Variants in CHRNA7 observed in about 807,000 individuals in gnomAD.
CHRNA7 encodes the protein neuronal acetylcholine receptor subunit alpha-7.
CHRNA7 carries 17 observed loss-of-function variants against 48.0 expected under a neutral mutation model. The observed-to-expected ratio is 0.35, with a 90% confidence interval of 0.24 to 0.53. The LOEUF is 0.53. CHRNA7 is among the 20% of genes least tolerant of loss of function. The pLI is 0.92. For missense variants in CHRNA7, 155 were observed against 577.7 expected (o/e 0.27, Z 7.50); for synonymous variants, 75 against 242.3 (o/e 0.31, Z 6.41).
At chr15:32,032,529 G>C (rs1204644351) in intron 2 of CHRNA7, among the ~76,000 whole-genome samples, 1 of 152,176 alleles carries the variant, frequency 6.6e-6, no homozygotes, top group African/African-American at 2.4e-5. Context: ...ATGTGATTAT[G>C]GTCATTTTCA....
chr15:32,139,069 T>G (rs764333624), intron 4 of CHRNA7, among the ~76,000 whole-genome samples: 2 of 152,310 alleles, frequency 1.3e-5, no homozygotes, highest in African/African-American at 4.8e-5. Context: ...TGTTTTGCTG[T>G]CTCCATTGCT....
At chr15:32,101,501 C>T in intron 3 of CHRNA7, 154 bp downstream of exon 3, 1 of 730,352 alleles carries the variant, frequency 1.4e-6, no homozygotes, top group Non-Finnish European at 2.3e-6. Flanking sequence ...CAACTCCACA[C>T]CTGCCAACAA....
At chr15:32,154,815 A>C in intron 5 of CHRNA7, among the ~76,000 whole-genome samples, 1 of 137,910 alleles carries the variant, frequency 7.3e-6, no homozygotes, top group African/African-American at 2.9e-5. Flanking sequence ...ACTCACAACC[A>C]CTCACACACA....
chr15:32,126,535 T>G (rs2051069598), intron 4 of CHRNA7, among the ~76,000 whole-genome samples: 1 of 152,222 alleles, frequency 6.6e-6, no homozygotes, highest in Non-Finnish European at 1.5e-5. Flanking sequence ...GGTTAATTTC[T>G]GTTCCTCGCT....
chr15:32,141,070 C>CT (rs1566869052), intron 4 of CHRNA7, among the ~76,000 whole-genome samples: 1 of 152,122 alleles, frequency 6.6e-6, no homozygotes, highest in African/African-American at 2.4e-5. Flanking sequence ...AGGTTTAAGT[C>CT]TTTAATCCAT....
chr15:32,065,298 C>A (rs1329336453), intron 2 of CHRNA7, among the ~76,000 whole-genome samples: 1 of 152,252 alleles, frequency 6.6e-6, no homozygotes, highest in Non-Finnish European at 1.5e-5. Context: ...GTGGAGAGAA[C>A]AGAGTTAAAG....
intron 2 of CHRNA7, among the ~76,000 whole-genome samples, chr15:32,057,470 T>C (rs1333270672): frequency 1.3e-5 from 2 of 152,230 alleles, no homozygotes; most frequent in East Asian, 3.8e-4. Context: ...AATTAGGTAA[T>C]GAACATTTTG....
At chr15:32,054,591 T>G (rs1475103580) in intron 2 of CHRNA7, among the ~76,000 whole-genome samples, 1 of 152,196 alleles carries the variant, frequency 6.6e-6, no homozygotes, top group Non-Finnish European at 1.5e-5. Flanking sequence ...AGCTAAACTG[T>G]TTGCCTTACT....
chr15:32,104,600 C>A (rs188854263), intron 3 of CHRNA7, among the ~76,000 whole-genome samples: 1 of 152,144 alleles, frequency 6.6e-6, no homozygotes, highest in Non-Finnish European at 1.5e-5. Flanking sequence ...CAGGTGCATT[C>A]GGTCACTGCC....
At chr15:32,038,899 T>C (rs2141167489) in intron 2 of CHRNA7, among the ~76,000 whole-genome samples, 1 of 152,336 alleles carries the variant, frequency 6.6e-6, no homozygotes, top group Non-Finnish European at 1.5e-5. Context: ...GGCCTGTTGC[T>C]TTCTGTTTTG....
chr15:32,144,605 T>C (rs2051449039), intron 4 of CHRNA7, among the ~76,000 whole-genome samples: 1 of 152,224 alleles, frequency 6.6e-6, no homozygotes, highest in Non-Finnish European at 1.5e-5. Flanking sequence ...TTGGAGGCTT[T>C]GTTTGTTTCG....
At chr15:32,056,190 A>G (rs910471032) in intron 2 of CHRNA7, among the ~76,000 whole-genome samples, 1 of 152,146 alleles carries the variant, frequency 6.6e-6, no homozygotes, top group Non-Finnish European at 1.5e-5. Context: ...CCTTTCTTCT[A>G]CATTTAGTGC....
chr15:32,048,465 T>G (rs938126360), intron 2 of CHRNA7, among the ~76,000 whole-genome samples: 2 of 152,236 alleles, frequency 1.3e-5, no homozygotes, highest in African/African-American at 4.8e-5. Context: ...GTGGAGATGT[T>G]TGTAGTATTC....
At chr15:32,041,744 C>T in intron 2 of CHRNA7, among the ~76,000 whole-genome samples, 1 of 152,350 alleles carries the variant, frequency 6.6e-6, no homozygotes, top group Middle Eastern at 3.4e-3. Context: ...GATTGATATT[C>T]CTCATACTAG....
chr15:32,126,435 T>G (rs112566704), intron 4 of CHRNA7, among the ~76,000 whole-genome samples: 3 of 152,334 alleles, frequency 2.0e-5, no homozygotes, highest in South Asian at 2.1e-4. Context: ...TCATTTATTA[T>G]GAAAGCTGAC....
chr15:32,136,872 A>G (rs1251944102), intron 4 of CHRNA7, among the ~76,000 whole-genome samples: 1 of 136,210 alleles, frequency 7.3e-6, no homozygotes, highest in Non-Finnish European at 1.6e-5. Flanking sequence ...TCTACTAAAA[A>G]TACAAAAAAA....
At chr15:32,050,950 G>T (rs1267649455) in intron 2 of CHRNA7, among the ~76,000 whole-genome samples, 1 of 152,158 alleles carries the variant, frequency 6.6e-6, no homozygotes, top group Non-Finnish European at 1.5e-5. Flanking sequence ...AGCGGTGTCT[G>T]CAGAACCGCG....
At chr15:32,071,857 C>A (rs543556487) in intron 2 of CHRNA7, among the ~76,000 whole-genome samples, 1 of 151,448 alleles carries the variant, frequency 6.6e-6, no homozygotes, top group South Asian at 2.1e-4. Context: ...AAGTCAGTCT[C>A]AGGTATTCCT....
intron 2 of CHRNA7, among the ~76,000 whole-genome samples, chr15:32,034,594 G>T (rs1233793178): frequency 6.6e-6 from 1 of 152,184 alleles, no homozygotes; most frequent in Non-Finnish European, 1.5e-5. Context: ...CCTAGTCTAG[G>T]CATCTCTGAG....
Sources: gnomAD v4.1 joint callset for allele counts (sites outside exome capture counted in the v4.1 genomes callset) on GRCh38, gnomAD v4.1.1 for gene constraint, MANE v1.5 for transcripts, NCBI Gene and HGNC (gene_info 2026-07-23, HGNC 2026-07-21) for gene names.